Variants in SKP1 observed in about 807,000 individuals in gnomAD.
SKP1 encodes the protein S-phase kinase-associated protein 1.
Under a neutral mutation model 21.5 loss-of-function variants are expected in SKP1, and 1 was observed. That is an observed-to-expected ratio of 0.05 (90% CI 0.02 to 0.22). SKP1 has a LOEUF of 0.22. SKP1 is among the 10% of genes least tolerant of loss of function. The pLI is 1.00. For missense variants in SKP1, 70 were observed against 192.0 expected (o/e 0.36, Z 3.76); for synonymous variants, 59 against 59.3 (o/e 0.99, Z 0.03).
chr5:134,166,282 C>A (rs1761329313), intron 3 of SKP1, among the ~76,000 whole-genome samples: 1 of 150,970 alleles, frequency 6.6e-6, no homozygotes. Context: ...TAGTTTGCTA[C>A]CTTAAGAATG....
chr5:134,171,197 G>T (rs939423929), intron 2 of SKP1, among the ~76,000 whole-genome samples: 9 of 152,318 alleles, frequency 5.9e-5, no homozygotes, highest in African/African-American at 1.4e-4. Context: ...CAAAACAGAA[G>T]ACACATCCTC....
intron 3 of SKP1, among the ~76,000 whole-genome samples, chr5:134,165,051 T>A (rs1211687208): frequency 8.4e-6 from 1 of 119,394 alleles, no homozygotes; most frequent in Non-Finnish European, 1.6e-5. Flanking sequence ...GGGGGGAGGG[T>A]GTACCAATTT....
chr5:134,160,875 AT>A, intron 4 of SKP1, 111 bp downstream of exon 4: 1 of 698,890 alleles, frequency 1.4e-6, no homozygotes, highest in Non-Finnish European at 2.4e-6. Context: ...ATGGCGTTAC[AT>A]TTGAATTTAG....
At chr5:134,162,969 C>T (rs942071190) in intron 3 of SKP1, among the ~76,000 whole-genome samples, 4 of 151,916 alleles carry the variant, frequency 2.6e-5, no homozygotes, top group African/African-American at 9.7e-5. Flanking sequence ...AATCCTAGCA[C>T]TTTGGGAGGC....
chr5:134,152,072 G>C lies in SKP1; in HGVS notation c.*5661C>G, dbSNP rs1761052445. 6.4e-6 allele frequency: 1 copy of C among 156,362 alleles called. No homozygotes were observed. The allele number at this position is 156,362 out of a possible 1,614,324, so 9.7% of individuals were successfully genotyped here. ...CAGCCAGTTCTCTTACTCATTCTCT[G>C]TGACCACTGGAGGTAGTGATTTTTA... On this transcript the variant is annotated 3_prime_UTR_variant, in exon 6 of 6. Transcript: ENST00000353411.
rs150132596 is a variant in SKP1, at chr5:134,168,277, A to G, written c.98-1034T>C. ...TGAACTGTATTTTAAAAAGTAAAATAATGAAAACTATTACAGGTAATAAAA... is the reference window on the plus strand; with the variant it reads ...TGAACTGTATTTTAAAAAGTAAAATGATGAAAACTATTACAGGTAATAAAA... On this transcript the variant is annotated intron_variant, in intron 2 of 5. Coordinates refer to ENST00000353411, the MANE Select transcript of SKP1 (RefSeq NM_170679.3). Among the ~76,000 whole-genome samples, 4 of 152,358 alleles carry G rather than the reference A, an allele frequency of 2.6e-5. No homozygotes were observed. In the East Asian group the frequency reaches 7.7e-4, roughly 29 times the overall value.
chr5:134,176,079 C>A (rs1174543593), intron 1 of SKP1, among the ~76,000 whole-genome samples: 2 of 152,192 alleles, frequency 1.3e-5, no homozygotes, highest in South Asian at 2.1e-4. Context: ...AAAACCCAAA[C>A]GTGAAGTTTC....
At chr5:134,167,681 G>A (rs904454213) in intron 2 of SKP1, among the ~76,000 whole-genome samples, 4 of 152,034 alleles carry the variant, frequency 2.6e-5, no homozygotes, top group Admixed American at 6.5e-5. Flanking sequence ...CCGCCACCAC[G>A]CCCGGCTAAT....
rs1235808329 is a variant in SKP1, at chr5:134,157,571, C to G, written c.*162G>C. 2 of 661,534 alleles carry G rather than the reference C, an allele frequency of 3.0e-6. No individual in the cohort carries two copies. Among genetic ancestry groups the G allele is most frequent in the Non-Finnish European group, 5.4e-6 (2 of 369,374 alleles). The allele number at this position is 661,534 out of a possible 1,614,324, so 41.0% of individuals were successfully genotyped here. ...GAAACTTGGCCGTAAGGTTTGGGAT[C>G]TGTGCTCAAACTACACATGCAATGA... On this transcript the variant is annotated 3_prime_UTR_variant, in exon 6 of 6. Coordinates refer to ENST00000353411, the MANE Select transcript of SKP1 (RefSeq NM_170679.3).
chr5:134,173,881 T>C, intron 2 of SKP1, 45 bp downstream of exon 2: 1 of 1,049,568 alleles, frequency 9.5e-7, no homozygotes. Flanking sequence ...ACAAACTATC[T>C]CAAATTACAC....
intron 3 of SKP1, among the ~76,000 whole-genome samples, chr5:134,165,206 G>A (rs959558130): frequency 1.3e-5 from 2 of 152,032 alleles, no homozygotes; most frequent in African/African-American, 4.8e-5. Flanking sequence ...ACTGAATGGT[G>A]CACGTTCAAA....
chr5:134,168,320 C>A (rs1368162335), intron 2 of SKP1, among the ~76,000 whole-genome samples: 3 of 152,040 alleles, frequency 2.0e-5, no homozygotes, highest in African/African-American at 7.3e-5. Flanking sequence ...CTATTCAAAT[C>A]TGAAACCTAG....
rs1465630952 is a variant in SKP1 at position 134,154,780 on chromosome 5, C to G, written c.*2953G>C. 6.6e-6 allele frequency: 1 copy of G among 152,176 alleles called. No individual in the cohort carries two copies. The highest frequency in any genetic ancestry group is 2.4e-5 in the African/African-American group (1 of 41,442). The allele number at this position is 152,176 out of a possible 1,614,324, so 9.4% of individuals were successfully genotyped here. A position where few individuals can be genotyped will look rare whatever the true frequency, so the allele number is the denominator to read the frequency against. Reference sequence around the variant, plus strand: ...AAATAAAAGGCATTTCCTAATTAATCCCTAAGTTTACTTTATCAACAAGGG... The same window carrying G: ...AAATAAAAGGCATTTCCTAATTAATGCCTAAGTTTACTTTATCAACAAGGG... On this transcript the variant is annotated 3_prime_UTR_variant, in exon 6 of 6. Coordinates refer to ENST00000353411, the MANE Select transcript of SKP1 (RefSeq NM_170679.3).
At chr5:134,170,151 C>T (rs1299918994) in intron 2 of SKP1, among the ~76,000 whole-genome samples, 1 of 151,772 alleles carries the variant, frequency 6.6e-6, no homozygotes, top group Non-Finnish European at 1.5e-5. Context: ...GCCTGGGCAA[C>T]AAGAGTGAAA....
intron 3 of SKP1, among the ~76,000 whole-genome samples, chr5:134,164,112 G>A (rs1249750801): frequency 7.2e-5 from 11 of 152,082 alleles, no homozygotes; most frequent in African/African-American, 1.7e-4. Context: ...CCTGAGGTCC[G>A]GAGTTCGAGA....
chr5:134,154,556 T>G lies in SKP1; in HGVS notation c.*3177A>C, dbSNP rs1353621960. The stretch of plus-strand genomic sequence containing the variant: ...AAGCTAACATTCAGGAAGGTTTTGG[T>G]TTACTTTTAGATCACAAGTGACATA... On this transcript the variant is annotated 3_prime_UTR_variant, in exon 6 of 6. Coordinates refer to ENST00000353411, the MANE Select transcript of SKP1 (RefSeq NM_170679.3). The G allele has an allele frequency of 1.3e-5, 2 of 151,892 alleles. No individual in the cohort carries two copies. The highest frequency in any genetic ancestry group is 1.9e-4 in the East Asian group (1 of 5,184). The allele number at this position is 151,892 out of a possible 1,614,324, so 9.4% of individuals were successfully genotyped here. A position where few individuals can be genotyped will look rare whatever the true frequency, so the allele number is the denominator to read the frequency against.
chr5:134,168,591 A>G (rs1436402154), intron 2 of SKP1, among the ~76,000 whole-genome samples: 1 of 152,212 alleles, frequency 6.6e-6, no homozygotes, highest in Non-Finnish European at 1.5e-5. Context: ...AAGGGACACA[A>G]TTACGGGGCT....
intron 4 of SKP1, among the ~76,000 whole-genome samples, chr5:134,159,320 T>C (rs572062884): frequency 6.6e-6 from 1 of 152,312 alleles, no homozygotes; most frequent in African/African-American, 2.4e-5. Flanking sequence ...ACCTTTCTGT[T>C]TGTGATTTCT....
At chr5:134,171,167 GA>G (rs777842314) in intron 2 of SKP1, 1 of 370,856 alleles carries the variant, frequency 2.7e-6, no homozygotes, top group Non-Finnish European at 5.3e-6. Flanking sequence ...TCAGAAAACA[GA>G]AGTCACCCAC....
Sources: allele counts gnomAD v4.1 joint callset (sites outside exome capture counted in the v4.1 genomes callset), GRCh38; gene constraint gnomAD v4.1.1; transcripts MANE v1.5; gene names NCBI Gene and HGNC (gene_info 2026-07-23, HGNC 2026-07-21).